Variants in NPFFR2 observed in about 807,000 individuals in gnomAD.
The protein encoded by NPFFR2 is G-protein coupled receptor 74.
In NPFFR2, 15 loss-of-function variants were observed where a neutral mutation model predicts 13.1. The ratio of observed to expected loss-of-function variants is 1.15; its 90% CI spans 0.77 to 1.76. The LOEUF (loss-of-function observed/expected upper bound fraction) is 1.76. NPFFR2 is among the 40% of genes most tolerant of loss of function. The probability of loss-of-function intolerance (pLI) is 0.00; values close to 1 mark genes in which losing one functional copy is unlikely to be tolerated. For synonymous variants in NPFFR2, 190 were observed against 175.7 expected, an observed-to-expected ratio of 1.08 and a Z score of -0.65; for missense variants, 572 against 503.5, an observed-to-expected ratio of 1.14 and a Z score of -1.30.
chr4:72,112,623 TAGAC>T (rs1467784536), intron 1 of NPFFR2, among the ~76,000 whole-genome samples: 1 of 151,986 alleles, frequency 6.6e-6, no homozygotes, highest in Non-Finnish European at 1.5e-5. Flanking sequence ...GATCATCAAA[TAGAC>T]AGGTTGGTGT....
chr4:72,060,693 A>C (rs1292542004), intron 1 of NPFFR2, among the ~76,000 whole-genome samples: 2 of 152,098 alleles, frequency 1.3e-5, no homozygotes, highest in East Asian at 3.9e-4. Context: ...GAGAATTTAG[A>C]ACCCCGAGCT....
chr4:72,034,847 A>T (rs986013767), intron 1 of NPFFR2, among the ~76,000 whole-genome samples: 2 of 152,188 alleles, frequency 1.3e-5, no homozygotes, highest in Non-Finnish European at 2.9e-5. Context: ...ATACAAAAAG[A>T]TGCAATGGTC....
chr4:72,122,549 A>G (rs1453890977), intron 1 of NPFFR2, among the ~76,000 whole-genome samples: 2 of 152,158 alleles, frequency 1.3e-5, no homozygotes, highest in Non-Finnish European at 2.9e-5. Flanking sequence ...CATAACAAAC[A>G]GTCTCTCAGA....
At chr4:72,049,812 G>A (rs938713506) in intron 1 of NPFFR2, among the ~76,000 whole-genome samples, 1 of 151,850 alleles carries the variant, frequency 6.6e-6, no homozygotes, top group Non-Finnish European at 1.5e-5. Flanking sequence ...AGAGCTATAG[G>A]AGCACCTTTT....
At chr4:72,133,559 T>G (rs913544475) in intron 2 of NPFFR2, among the ~76,000 whole-genome samples, 5 of 152,194 alleles carry the variant, frequency 3.3e-5, no homozygotes, top group African/African-American at 1.2e-4. Context: ...CATTGGTGAT[T>G]TAATAGGGAT....
intron 1 of NPFFR2, among the ~76,000 whole-genome samples, chr4:72,041,574 A>G (rs751595556): frequency 1.6e-4 from 25 of 152,166 alleles, no homozygotes; most frequent in Non-Finnish European, 2.8e-4. Flanking sequence ...AGATCTGCAA[A>G]CTGTTTTCCA....
intron 1 of NPFFR2, among the ~76,000 whole-genome samples, chr4:72,040,888 T>G (rs1056992069): frequency 1.3e-5 from 2 of 150,206 alleles, no homozygotes; most frequent in Middle Eastern, 3.6e-3. Flanking sequence ...GCCTGTTAAA[T>G]TTATTTTTAT....
At chr4:72,033,256 C>G (rs777223186) in intron 1 of NPFFR2, among the ~76,000 whole-genome samples, 12 of 152,050 alleles carry the variant, frequency 7.9e-5, no homozygotes, top group Admixed American at 7.9e-4. Flanking sequence ...CTATAATGTG[C>G]TCAAAAATAG....
Position 72,076,006 on chromosome 4 carries a change from C to CAG in NPFFR2, c.-8+43819_-8+43820dup, listed in dbSNP as rs746172911. Among the ~76,000 whole-genome samples the CAG allele has an allele frequency of 8.5e-4, 105 of 122,810 alleles. 1 individual carries two copies. In the East Asian group the frequency reaches 9.7e-3, roughly 11 times the overall value. The allele number at this position is 122,810 out of a possible 152,430, so 80.6% of individuals were successfully genotyped here. Reference sequence around the variant, plus strand: ...ACACACACACACACACACACACACACAGAGAGAGAGAGAGGGCAGACAGCA... The same window carrying CAG: ...ACACACACACACACACACACACACACAGAGAGAGAGAGAGAGGGCAGACAGCA... On this transcript the variant is annotated intron_variant, in intron 1 of 3. Transcript: ENST00000308744.
intron 1 of NPFFR2, among the ~76,000 whole-genome samples, chr4:72,086,152 C>T (rs940672527): frequency 6.6e-6 from 1 of 152,014 alleles, no homozygotes; most frequent in African/African-American, 2.4e-5. Context: ...CCTTGGTATG[C>T]CCTATTCTCA....
intron 1 of NPFFR2, among the ~76,000 whole-genome samples, chr4:72,092,368 C>T (rs1443135489): frequency 6.6e-6 from 1 of 151,812 alleles, no homozygotes; most frequent in Non-Finnish European, 1.5e-5. Context: ...TTCTTGGGTA[C>T]CATTTAAGTC....
rs1241994003 is a variant in NPFFR2, at chr4:72,147,442, A to T, written c.893A>T (p.Asp298Val). The change falls in exon 4 of 4, where the codon GAC (aspartate) becomes GTC (valine). Residue 298 changes from aspartate to valine, a missense_variant. Asp to Val is a radical substitution (Grantham distance 152, BLOSUM62 -3). Coordinates refer to ENST00000308744, the MANE Select transcript of NPFFR2 (RefSeq NM_004885.3). ...LPLWTLMMLS[D>V]YADLSPNELQ... is the part of the protein sequence containing the mutation. ...CTGTGGACTCTAATGATGCTCTCAG[A>T]CTACGCTGACCTTTCTCCAAATGAA... 1 of 1,614,174 alleles carries T rather than the reference A, an allele frequency of 6.2e-7. No individual in the cohort carries two copies. Among genetic ancestry groups the T allele is most frequent in the South Asian group, 1.1e-5 (1 of 91,084 alleles).
chr4:72,116,587 GA>G (rs764125939), intron 1 of NPFFR2, among the ~76,000 whole-genome samples: 184 of 151,686 alleles, frequency 1.2e-3, no homozygotes, highest in African/African-American at 4.3e-3. Flanking sequence ...AGTTAAAAAA[GA>G]AAAAAATAGT....
chr4:72,037,380 G>A (rs561268677), intron 1 of NPFFR2, among the ~76,000 whole-genome samples: 5 of 147,194 alleles, frequency 3.4e-5, no homozygotes, highest in South Asian at 2.2e-4. Flanking sequence ...CTCCAGCTTC[G>A]GCAACAGAGC....
intron 1 of NPFFR2, among the ~76,000 whole-genome samples, chr4:72,092,979 G>C (rs953267508): frequency 2.0e-5 from 3 of 152,102 alleles, no homozygotes; most frequent in African/African-American, 4.8e-5. Flanking sequence ...TTTGAGGATT[G>C]TTTCAAGATG....
intron 1 of NPFFR2, among the ~76,000 whole-genome samples, chr4:72,090,328 GT>G (rs1363651354): frequency 6.6e-6 from 1 of 151,826 alleles, no homozygotes; most frequent in East Asian, 1.9e-4. Flanking sequence ...TTCCATATGA[GT>G]TTTAGGATGG....
intron 1 of NPFFR2, among the ~76,000 whole-genome samples, chr4:72,090,420 G>A (rs1330063475): frequency 6.6e-6 from 1 of 152,066 alleles, no homozygotes; most frequent in Non-Finnish European, 1.5e-5. Flanking sequence ...TGGTAGTATT[G>A]TCATTTTTAC....
intron 1 of NPFFR2, among the ~76,000 whole-genome samples, chr4:72,125,945 A>G (rs7684585): frequency 0.07 from 10,694 of 152,276 alleles, 1,145 homozygotes; most frequent in African/African-American, 0.23. Context: ...GGTGGTAGGA[A>G]GTTTAAATTT....
At position 72,138,157 on chromosome 4, in the gene NPFFR2, T is replaced by C. The variant is rs777448258; in HGVS notation, c.428+18T>C. On this transcript the variant is annotated intron_variant, in intron 3 of 3. Transcript: ENST00000308744. ...GTAGATAGGTAAGTCTGCACCAAACTCTGAATCCAGAAAAATTGGCATGTC... is the reference window on the plus strand; with the variant it reads ...GTAGATAGGTAAGTCTGCACCAAACCCTGAATCCAGAAAAATTGGCATGTC... The C allele has an allele frequency of 6.3e-6, 10 of 1,579,766 alleles. 1 individual carries two copies. The South Asian group carries it at 1.1e-4, about 18-fold the overall frequency.
Sources: gnomAD v4.1 joint callset for allele counts (sites outside exome capture counted in the v4.1 genomes callset) on GRCh38, gnomAD v4.1.1 for gene constraint, MANE v1.5 for transcripts, NCBI Gene and HGNC (gene_info 2026-07-23, HGNC 2026-07-21) for gene names.